Variants in ASB8 observed in about 807,000 individuals in gnomAD.
The protein encoded by ASB8 is ankyrin repeat and SOCS box protein 8.
In ASB8, 15 loss-of-function variants were observed where a neutral mutation model predicts 22.9. The ratio of observed to expected loss-of-function variants is 0.66; its 90% CI spans 0.44 to 1.01. The LOEUF (loss-of-function observed/expected upper bound fraction) is 1.01, where lower values mean the gene tolerates loss of function less well. Ranked by LOEUF, ASB8 falls within the 50% of genes least tolerant of loss-of-function variation. The probability of loss-of-function intolerance (pLI) is 0.00; values close to 1 mark genes in which losing one functional copy is unlikely to be tolerated. For synonymous variants in ASB8, 124 were observed against 140.8 expected (o/e 0.88, Z 0.84); for missense variants, 294 against 356.9 (o/e 0.82, Z 1.42).
At chr12:48,155,741 A>AT (rs377396304) in intron 1 of ASB8, among the ~76,000 whole-genome samples, 16,758 of 127,588 alleles carry the variant, frequency 0.13, 1,257 homozygotes, top group East Asian at 0.18. Context: ...AAAAAAAAAA[A>AT]AATATATATA....
intron 1 of ASB8, among the ~76,000 whole-genome samples, chr12:48,156,245 C>T (rs1193144957): frequency 2.0e-5 from 3 of 151,904 alleles, no homozygotes; most frequent in Non-Finnish European, 2.9e-5. Context: ...TATTTTTCTC[C>T]CGTTATCATG....
chr12:48,154,689 G>A (rs1203399182), intron 1 of ASB8, among the ~76,000 whole-genome samples: 1 of 152,134 alleles, frequency 6.6e-6, no homozygotes, highest in Non-Finnish European at 1.5e-5. Context: ...TGTAATCCCA[G>A]CACTTTGGAA....
At position 48,148,658 on chromosome 12, in the gene ASB8, G is replaced by GTTTTTTTTTTTTT. The variant is rs34031535; in HGVS notation, c.*695_*707dup. Reference sequence around the variant, plus strand: ...GTTTTTTCACAGATCAATTAAAATGGTTTTTTTTTTTTTTTTTTTTTTTTG... The same window carrying GTTTTTTTTTTTTT: ...GTTTTTTCACAGATCAATTAAAATGGTTTTTTTTTTTTTTTTTTTTTTTTTTTTTTTTTTTTTG... On this transcript the variant is annotated 3_prime_UTR_variant, in exon 4 of 4. Coordinates refer to ENST00000317697, the MANE Select transcript of ASB8 (RefSeq NM_024095.5). The GTTTTTTTTTTTTT allele has an allele frequency of 8.0e-5, 5 of 62,754 alleles. No homozygotes were observed. Among genetic ancestry groups the GTTTTTTTTTTTTT allele is most frequent in the Admixed American group, 2.1e-4 (1 of 4,792 alleles). The allele number at this position is 62,754 out of a possible 1,614,324, so 3.9% of individuals were successfully genotyped here.
rs1474536073 is a variant in ASB8, at chr12:48,148,297, A to C, written c.*1069T>G. The C allele has an allele frequency of 6.6e-6, 1 of 152,058 alleles. No homozygotes were observed. Among genetic ancestry groups the C allele is most frequent in the Non-Finnish European group, 1.5e-5 (1 of 67,968 alleles). 9.4% of individuals were successfully genotyped at this position (152,058 alleles called of 1,614,324 possible). On this transcript the variant is annotated 3_prime_UTR_variant, in exon 4 of 4. Transcript: ENST00000317697. ...AACTGCCTGGGAATCCCATTAGAAC[A>C]CACTGTTTCTCAGGAAGAGAAAAAG...
In ASB8 at chr12:48,151,201, C is replaced by T. The variant is rs2136076966; in HGVS notation, c.234G>A (p.Glu78=). Residue 78 remains glutamate (E), a splice_region_variant and synonymous_variant, in exon 3 of 4, where the codon GAG becomes GAA. Transcript: ENST00000317697. ...CVELLLEKGA[E]VNALDGYNRT... ...AATGTGAATGTGTTAAAAACATTAC[C>T]TCGGCTCCTTTTTCCAGAAGTAACT... The T allele has an allele frequency of 4.4e-6, 7 of 1,605,400 alleles. No homozygotes were observed. The highest frequency in any genetic ancestry group is 6.0e-6 in the Non-Finnish European group (7 of 1,172,050).
intron 2 of ASB8, among the ~76,000 whole-genome samples, chr12:48,152,130 C>T (rs111645601): frequency 0.029 from 4,147 of 144,480 alleles, 150 homozygotes; most frequent in African/African-American, 0.081. Context: ...CCAGCCTGGG[C>T]GACGAGCGAA....
At chr12:48,157,071 G>C (rs1189708735) in intron 1 of ASB8, 1 of 143,998 alleles carries the variant, frequency 6.9e-6, no homozygotes, top group East Asian at 2.2e-4. Flanking sequence ...GCCCCCTCCC[G>C]CCCCGGGAGA....
intron 1 of ASB8, among the ~76,000 whole-genome samples, chr12:48,154,735 C>T (rs1337083041): frequency 6.6e-6 from 1 of 151,952 alleles, no homozygotes; most frequent in Non-Finnish European, 1.5e-5. Flanking sequence ...GTCAGGAGTT[C>T]GAGACCAGCC....
At chr12:48,156,322 TG>T (rs1951304068) in intron 1 of ASB8, among the ~76,000 whole-genome samples, 1 of 152,202 alleles carries the variant, frequency 6.6e-6, no homozygotes, top group Non-Finnish European at 1.5e-5. Flanking sequence ...AGATTTGGCA[TG>T]TGTTTTAATC....
rs748935285 is a variant in ASB8 at position 48,149,697 on chromosome 12, ACT to A, written c.534_535del (p.Arg178SerfsTer31). Reference sequence around the variant, plus strand: ...GGGTGTCTGGCCTATTAGGTTGATGACTCTGACCTCTGCGCCATAATCCAGAA... The same window carrying A: ...GGGTGTCTGGCCTATTAGGTTGATGACTGACCTCTGCGCCATAATCCAGAA... On this transcript the variant is annotated frameshift_variant, in exon 4 of 4. Coordinates refer to ENST00000317697, the MANE Select transcript of ASB8 (RefSeq NM_024095.5). LOFTEE classifies it high-confidence loss of function. 4.1e-5 allele frequency: 66 copies of A among 1,613,698 alleles called. No individual in the cohort carries two copies. Among genetic ancestry groups the A allele is most frequent in the Non-Finnish European group, 5.3e-5 (63 of 1,179,896 alleles).
Position 48,151,266 on chromosome 12 carries a change from AG to A in ASB8, c.168del (p.Leu57CysfsTer23). ...TCTGACACCATACAGGCACAGTGCA[AG>A]GGCTTCAGTGTGCCATGAGTGCAGT... The part of the protein sequence containing the change: ...DVNCTHGTLK[P>X]LHCACMVSDA... On this transcript the variant is annotated frameshift_variant, in exon 3 of 4. Transcript: ENST00000317697. LOFTEE classifies it high-confidence loss of function. 6.2e-7 allele frequency: 1 copy of A among 1,613,964 alleles called. No individual in the cohort carries two copies. Among genetic ancestry groups the A allele is most frequent in the Non-Finnish European group, 8.5e-7 (1 of 1,179,816 alleles).
At chr12:48,154,706 G>C (rs1252449455) in intron 1 of ASB8, among the ~76,000 whole-genome samples, 1 of 152,178 alleles carries the variant, frequency 6.6e-6, no homozygotes, top group Admixed American at 6.5e-5. Context: ...GGAAGGCTGA[G>C]GTGGGTGGAT....
chr12:48,152,329 T>C (rs1352460024), intron 2 of ASB8, among the ~76,000 whole-genome samples: 2 of 152,146 alleles, frequency 1.3e-5, no homozygotes, highest in Non-Finnish European at 2.9e-5. Context: ...TTGTGTCCAA[T>C]AACTCTGAAG....
At position 48,149,990 on chromosome 12, in the gene ASB8, G is replaced by A; in HGVS notation, c.243C>T (p.Ala81=). The change falls in exon 4 of 4, where the codon GCC becomes GCT. Residue 81 remains alanine, a synonymous_variant. Transcript: ENST00000317697. ...GGGCTGTTCGGTTATACCCATCCAGGGCATTCACCTGTAAAAAGGGAGGAA... is the reference window on the plus strand; with the variant it reads ...GGGCTGTTCGGTTATACCCATCCAGAGCATTCACCTGTAAAAAGGGAGGAA... The part of the protein sequence containing the change: ...LLLEKGAEVN[A]LDGYNRTALH... 6.2e-7 allele frequency: 1 copy of A among 1,612,754 alleles called. No homozygotes were observed. Among genetic ancestry groups the A allele is most frequent in the Non-Finnish European group, 8.5e-7 (1 of 1,179,006 alleles).
At chr12:48,153,225 T>A (rs1951230542) in intron 2 of ASB8, 143 bp downstream of exon 2, 5 of 976,228 alleles carry the variant, frequency 5.1e-6, no homozygotes, top group African/African-American at 3.3e-5. Context: ...GGAAATACAT[T>A]TTAATGATCA....
chr12:48,155,114 CAA>C (rs926291539), intron 1 of ASB8, among the ~76,000 whole-genome samples: 3 of 152,054 alleles, frequency 2.0e-5, no homozygotes, highest in Non-Finnish European at 4.4e-5. Context: ...GTATAAGAGA[CAA>C]GAGTTAGGGA....
chr12:48,151,304 C>T lies in ASB8; in HGVS notation c.131G>A (p.Gly44Glu). ...GCCATGAGTGCAGTTCACATCTGCT[C>T]CCTGTGGGCAGAAGACAACTTCAGT... is the stretch of plus-strand genomic sequence containing the variant. ...HDNVEDLIRGGADVNCTHGTL... is the reference protein window; with the variant it reads ...HDNVEDLIRGEADVNCTHGTL... The change falls in exon 3 of 4, where the codon GGA becomes GAA. Residue 44 changes from glycine (G) to glutamate (E), a missense_variant and splice_region_variant. By Grantham distance (98) the Gly-to-Glu change is moderately conservative. Coordinates refer to ENST00000317697, the MANE Select transcript of ASB8 (RefSeq NM_024095.5). The T allele has an allele frequency of 6.2e-7, 1 of 1,610,398 alleles. No homozygotes were observed. The highest frequency in any genetic ancestry group is 8.5e-7 in the Non-Finnish European group (1 of 1,177,548).
chr12:48,154,182 A>G (rs1951253522), intron 1 of ASB8, among the ~76,000 whole-genome samples: 1 of 152,132 alleles, frequency 6.6e-6, no homozygotes, highest in Admixed American at 6.5e-5. Flanking sequence ...TCAGAAGAGG[A>G]AAAAAAGGAA....
rs1291876346 is a variant in ASB8, at chr12:48,147,864, C to T, written c.*1502G>A. On this transcript the variant is annotated 3_prime_UTR_variant, in exon 4 of 4. Transcript: ENST00000317697. ...CCAGCATCAATAGGACAGAAGAAGA[C>T]ATCTGTTTTCCAATTAGCTGTGTCA... The T allele has an allele frequency of 6.6e-6, 1 of 151,966 alleles. No individual in the cohort carries two copies. The highest frequency in any genetic ancestry group is 6.6e-5 in the Admixed American group (1 of 15,250). The allele number at this position is 151,966 out of a possible 1,614,324, so 9.4% of individuals were successfully genotyped here.
Sources: allele counts gnomAD v4.1 joint callset (sites outside exome capture counted in the v4.1 genomes callset), GRCh38; gene constraint gnomAD v4.1.1; transcripts MANE v1.5; gene names NCBI Gene and HGNC (gene_info 2026-07-23, HGNC 2026-07-21).